Variants in KDM4C observed in about 807,000 individuals in gnomAD.
KDM4C encodes the protein lysine-specific demethylase 4C.
KDM4C carries 81 observed loss-of-function variants against 129.3 expected under a neutral mutation model. That is an observed-to-expected ratio of 0.63 (90% CI 0.52 to 0.75). KDM4C has a LOEUF of 0.75. KDM4C is among the 30% of genes least tolerant of loss of function. The pLI is 0.00. For missense variants in KDM4C, 1,457 were observed against 1,304.0 expected (o/e 1.12, Z -1.81); for synonymous variants, 573 against 456.1 (o/e 1.26, Z -3.26).
intron 17 of KDM4C, among the ~76,000 whole-genome samples, chr9:7,097,695 T>C (rs1379985084): frequency 6.6e-6 from 1 of 152,232 alleles, no homozygotes; most frequent in Non-Finnish European, 1.5e-5. Flanking sequence ...TCCAATCGTC[T>C]CTTAAATCTA....
At chr9:7,056,318 C>T (rs561452155) in intron 17 of KDM4C, among the ~76,000 whole-genome samples, 98 of 148,578 alleles carry the variant, frequency 6.6e-4, no homozygotes, top group African/African-American at 2.4e-3. Context: ...CATATGTCTC[C>T]AGCTTTGTAA....
chr9:7,088,439 T>A (rs1835403149), intron 17 of KDM4C, among the ~76,000 whole-genome samples: 1 of 152,272 alleles, frequency 6.6e-6, no homozygotes, highest in African/African-American at 2.4e-5. Flanking sequence ...ACCCACAATC[T>A]GCTTAGGATC....
At chr9:6,911,661 C>T (rs1234719976) in intron 8 of KDM4C, among the ~76,000 whole-genome samples, 1 of 152,168 alleles carries the variant, frequency 6.6e-6, no homozygotes, top group Non-Finnish European at 1.5e-5. Flanking sequence ...AGAAATTTGA[C>T]TAATCTCCTT....
chr9:7,128,237 G>A lies in KDM4C; in HGVS notation c.2781+1G>A. The A allele has an allele frequency of 6.4e-7, 1 of 1,571,936 alleles. No homozygotes were observed. Among genetic ancestry groups the A allele is most frequent in the Admixed American group, 1.8e-5 (1 of 54,844 alleles). On this transcript the variant is annotated splice_donor_variant, in intron 19 of 21. Transcript: ENST00000381309. LOFTEE classifies it high-confidence loss of function. The stretch of plus-strand genomic sequence containing the variant: ...AGACACATTTCCTGAGGATATCGTG[G>A]TAAGTAGGCTTCCTTGAGTGCCTGC...
At chr9:6,947,099 G>C (rs1237851006) in intron 8 of KDM4C, among the ~76,000 whole-genome samples, 1 of 152,152 alleles carries the variant, frequency 6.6e-6, no homozygotes, top group African/African-American at 2.4e-5. Flanking sequence ...ATATAGCCAT[G>C]TGAATACATT....
intron 17 of KDM4C, chr9:7,076,651 G>T: frequency 7.6e-7 from 1 of 1,309,016 alleles, no homozygotes; most frequent in Non-Finnish European, 9.7e-7. Context: ...TTTCCCTTTT[G>T]TATCTGTCAT....
At chr9:6,851,153 A>G (rs920518466) in intron 5 of KDM4C, among the ~76,000 whole-genome samples, 1 of 152,034 alleles carries the variant, frequency 6.6e-6, no homozygotes, top group African/African-American at 2.4e-5. Flanking sequence ...ATTTGTTATT[A>G]CTTTTTGTAG....
At chr9:6,970,657 T>C (rs980087879) in intron 8 of KDM4C, among the ~76,000 whole-genome samples, 1 of 152,198 alleles carries the variant, frequency 6.6e-6, no homozygotes, top group South Asian at 2.1e-4. Flanking sequence ...TGTGATAACT[T>C]TGTGGCTAAA....
At chr9:6,725,475 C>G (rs1396014412) in intron 1 of KDM4C, among the ~76,000 whole-genome samples, 1 of 151,980 alleles carries the variant, frequency 6.6e-6, no homozygotes, top group African/African-American at 2.4e-5. Flanking sequence ...GTCACAGATT[C>G]TCTCTTTTTT....
Position 6,838,490 on chromosome 9 carries a change from C to G in KDM4C, c.436-11017C>G, listed in dbSNP as rs186827095. 5.3e-5 allele frequency among the ~76,000 whole-genome samples: 8 copies of G among 152,274 alleles called. No individual in the cohort carries two copies. In the East Asian group the frequency reaches 1.4e-3, roughly 26 times the overall value. On this transcript the variant is annotated intron_variant, in intron 4 of 21. Coordinates refer to ENST00000381309, the MANE Select transcript of KDM4C (RefSeq NM_015061.6). ...CTTCACACTATCAGTAGTCTAGACTCAAGGTGGGAGTCTCAAGCTCACTGC... is the reference window on the plus strand; with the variant it reads ...CTTCACACTATCAGTAGTCTAGACTGAAGGTGGGAGTCTCAAGCTCACTGC...
chr9:6,747,795 T>C (rs934270247), intron 1 of KDM4C, among the ~76,000 whole-genome samples: 1 of 152,168 alleles, frequency 6.6e-6, no homozygotes, highest in African/African-American at 2.4e-5. Flanking sequence ...CCCGCTCTGA[T>C]CTAGAATTTA....
intron 17 of KDM4C, among the ~76,000 whole-genome samples, chr9:7,059,302 T>C (rs996362020): frequency 2.0e-5 from 3 of 152,132 alleles, no homozygotes; most frequent in Non-Finnish European, 2.9e-5. Flanking sequence ...GAGGTCTGAT[T>C]GTGTTGCCCA....
intron 1 of KDM4C, among the ~76,000 whole-genome samples, chr9:6,725,990 G>C (rs1049567260): frequency 6.7e-6 from 1 of 150,244 alleles, no homozygotes; most frequent in Non-Finnish European, 1.5e-5. Context: ...GCAGTGGCGC[G>C]ATCTCGGCTC....
intron 8 of KDM4C, among the ~76,000 whole-genome samples, chr9:6,956,662 A>G (rs1376879361): frequency 1.3e-5 from 2 of 152,246 alleles, no homozygotes; most frequent in Non-Finnish European, 2.9e-5. Context: ...AAAAGATCAT[A>G]TAATACACAG....
chr9:6,929,771 G>T (rs1383640721), intron 8 of KDM4C, among the ~76,000 whole-genome samples: 1 of 151,934 alleles, frequency 6.6e-6, no homozygotes, highest in Non-Finnish European at 1.5e-5. Flanking sequence ...TACTTTTGTG[G>T]GTGCCAAAAT....
intron 19 of KDM4C, among the ~76,000 whole-genome samples, chr9:7,162,756 C>T (rs1249617200): frequency 1.3e-5 from 2 of 151,948 alleles, no homozygotes; most frequent in African/African-American, 2.4e-5. Context: ...GAAGGGGAGG[C>T]CGTAACTCTC....
intron 5 of KDM4C, among the ~76,000 whole-genome samples, chr9:6,856,584 T>TA (rs1564171899): frequency 4.2e-4 from 43 of 103,530 alleles, no homozygotes; most frequent in African/African-American, 1.5e-3. Context: ...GTGTGTGTAT[T>TA]TTTTTTTGAG....
At chr9:7,037,988 G>A (rs762662936) in intron 15 of KDM4C, among the ~76,000 whole-genome samples, 17 of 151,962 alleles carry the variant, frequency 1.1e-4, no homozygotes, top group Non-Finnish European at 1.8e-4. Flanking sequence ...AGCACAGACT[G>A]TTTGATTTTA....
At chr9:6,980,160 G>A (rs1196086661) in intron 8 of KDM4C, among the ~76,000 whole-genome samples, 2 of 152,170 alleles carry the variant, frequency 1.3e-5, no homozygotes, top group Non-Finnish European at 2.9e-5. Flanking sequence ...ACCACCATTT[G>A]AATGATAACT....
Sources: allele counts gnomAD v4.1 joint callset (sites outside exome capture counted in the v4.1 genomes callset), GRCh38; gene constraint gnomAD v4.1.1; transcripts MANE v1.5; gene names NCBI Gene and HGNC (gene_info 2026-07-23, HGNC 2026-07-21).